The following RASSF8 variants were observed in gnomAD, a reference collection of about 807,000 sequenced individuals.
RASSF8 encodes ras association domain-containing protein 8.
RASSF8 carries 22 observed loss-of-function variants against 48.5 expected under a neutral mutation model. The ratio of observed to expected loss-of-function variants is 0.45; its 90% confidence interval spans 0.32 to 0.65. RASSF8 has a LOEUF of 0.65. RASSF8 is among the 30% of genes least tolerant of loss of function. The probability of loss-of-function intolerance (pLI) is 0.03; values close to 1 mark genes in which losing one functional copy is unlikely to be tolerated. For synonymous variants in RASSF8, 127 were observed against 171.5 expected, an observed-to-expected ratio of 0.74 and a Z score of 2.03; for missense variants, 418 against 489.2, an observed-to-expected ratio of 0.85 and a Z score of 1.37.
chr12:26,038,600 C>T (rs1381337043), intron 2 of RASSF8, among the ~76,000 whole-genome samples: 1 of 131,286 alleles, frequency 7.6e-6, no homozygotes, highest in Non-Finnish European at 1.6e-5. Context: ...TTAAAATGTT[C>T]TTATTAAAAC....
Position 26,054,540 on chromosome 12 carries a change from T to G in RASSF8, c.-108-696T>G, listed in dbSNP as rs545990167. Among the ~76,000 whole-genome samples the G allele has an allele frequency of 2.7e-3, 414 of 152,288 alleles. 2 individuals are homozygous for G. The highest frequency in any genetic ancestry group is 2.5e-3 in the Admixed American group (39 of 15,304). On this transcript the variant is annotated intron_variant, in intron 2 of 5. Transcript: ENST00000689635. Reference sequence around the variant, plus strand: ...TTGGTCGTCAAAGGAATTCGTTTCCTTTGACTAAGATTTTTTACCCACCTG... The same window carrying G: ...TTGGTCGTCAAAGGAATTCGTTTCCGTTGACTAAGATTTTTTACCCACCTG...
intron 2 of RASSF8, among the ~76,000 whole-genome samples, chr12:26,000,135 A>G (rs1942222428): frequency 6.6e-6 from 1 of 152,230 alleles, no homozygotes; most frequent in Admixed American, 6.5e-5. Flanking sequence ...TAATGAAGGA[A>G]AAGTTGTAAT....
Position 26,071,320 on chromosome 12 carries a change from G to C in RASSF8, c.*2502G>C, listed in dbSNP as rs1346981883. The stretch of plus-strand genomic sequence containing the variant: ...CATTTCGGAGGGGTAGTGGGCAATG[G>C]TATACAAAAATACCAAATATAAAAT... On this transcript the variant is annotated 3_prime_UTR_variant, in exon 6 of 6. Coordinates refer to ENST00000689635, the MANE Select transcript of RASSF8 (RefSeq NM_001394098.1). 8.2e-6 allele frequency: 8 copies of C among 977,278 alleles called. No individual in the cohort carries two copies. In the Admixed American group the frequency reaches 1.8e-4, roughly 23 times the overall value. 60.5% of individuals were successfully genotyped at this position (977,278 alleles called of 1,614,324 possible). A position where few individuals can be genotyped will look rare whatever the true frequency, so the allele number is the denominator to read the frequency against.
At chr12:25,959,717 A>T (rs61914181) in intron 1 of RASSF8, 11,637 of 151,162 alleles carry the variant, frequency 0.077, 493 homozygotes, top group East Asian at 0.13. Context: ...TGAGAGGGTA[A>T]ATCGCACAAA....
At chr12:26,077,538 T>C (rs577805852), downstream of RASSF8, among the ~76,000 whole-genome samples, 1 of 152,154 alleles carries the variant, frequency 6.6e-6, no homozygotes. Context: ...CCCATTTCTT[T>C]TTTTTGTCAG....
chr12:25,983,607 A>G (rs1157443704), intron 1 of RASSF8, among the ~76,000 whole-genome samples: 1 of 152,234 alleles, frequency 6.6e-6, no homozygotes, highest in Non-Finnish European at 1.5e-5. Flanking sequence ...TTTCGAAGGA[A>G]ACTGATTTTA....
chr12:26,014,204 G>A (rs1312605486), intron 2 of RASSF8, among the ~76,000 whole-genome samples: 3 of 152,170 alleles, frequency 2.0e-5, no homozygotes, highest in South Asian at 2.1e-4. Flanking sequence ...AACTAATAAC[G>A]TTCATACTAG....
intron 2 of RASSF8, among the ~76,000 whole-genome samples, chr12:26,000,649 C>G (rs550095274): frequency 6.6e-6 from 1 of 152,144 alleles, no homozygotes; most frequent in African/African-American, 2.4e-5. Context: ...CTCCTACACA[C>G]CCAGGCCATA....
chr12:26,066,989 G>A (rs1224702036), intron 4 of RASSF8, among the ~76,000 whole-genome samples: 1 of 152,182 alleles, frequency 6.6e-6, no homozygotes, highest in African/African-American at 2.4e-5. Context: ...AATCTTGTGG[G>A]AATCTTGCTT....
At chr12:25,963,930 G>A (rs1941296474) in intron 1 of RASSF8, among the ~76,000 whole-genome samples, 1 of 152,184 alleles carries the variant, frequency 6.6e-6, no homozygotes, top group Non-Finnish European at 1.5e-5. Flanking sequence ...TGATTTTCTA[G>A]TCAGGAAGGC....
In RASSF8 at chr12:26,033,998, C is replaced by G. The variant is rs115196424; in HGVS notation, c.-108-21238C>G. ...CACTTGGATCTGCTGGTGCCTTCTC[C>G]CCACCACCATCATGTCGACCAGACC... On this transcript the variant is annotated intron_variant, in intron 2 of 5. Transcript: ENST00000689635. Among the ~76,000 whole-genome samples the G allele has an allele frequency of 5.1e-3, 770 of 152,116 alleles. 7 individuals carry two copies. Among genetic ancestry groups the G allele is most frequent in the African/African-American group, 0.017 (710 of 41,494 alleles).
intron 1 of RASSF8, among the ~76,000 whole-genome samples, chr12:25,985,265 C>G (rs1941845846): frequency 6.6e-6 from 1 of 152,148 alleles, no homozygotes; most frequent in Non-Finnish European, 1.5e-5. Flanking sequence ...AATGCTGTAA[C>G]TATAGACCCT....
chr12:25,988,156 TG>T (rs1474703418), intron 1 of RASSF8, among the ~76,000 whole-genome samples: 4 of 152,116 alleles, frequency 2.6e-5, no homozygotes, highest in Admixed American at 2.6e-4. Flanking sequence ...CCACCACGCC[TG>T]GTCGAAATTA....
chr12:26,046,128 C>T (rs549771768), intron 2 of RASSF8, among the ~76,000 whole-genome samples: 2 of 152,284 alleles, frequency 1.3e-5, no homozygotes, highest in African/African-American at 4.8e-5. Context: ...TTGTATATTC[C>T]TAAGTCTGAT....
intron 1 of RASSF8, among the ~76,000 whole-genome samples, chr12:25,962,573 T>G (rs1293498956): frequency 1.3e-5 from 2 of 152,054 alleles, no homozygotes; most frequent in Non-Finnish European, 1.5e-5. Context: ...ATGAGTAAGA[T>G]CGTAATATCA....
chr12:26,071,511 T>C lies in RASSF8; in HGVS notation c.*2693T>C. 1 of 967,460 alleles carries C rather than the reference T, an allele frequency of 1.0e-6. No individual in the cohort carries two copies. Among genetic ancestry groups the C allele is most frequent in the Non-Finnish European group, 1.2e-6 (1 of 813,544 alleles). The allele number at this position is 967,460 out of a possible 1,614,324, so 59.9% of individuals were successfully genotyped here. On this transcript the variant is annotated 3_prime_UTR_variant, in exon 6 of 6. Coordinates refer to ENST00000689635, the MANE Select transcript of RASSF8 (RefSeq NM_001394098.1). ...ACCAAGAAATAATTTGGAATAGCAT[T>C]GGTATATTTGACCTTTTGAGTGTCT...
chr12:25,964,179 A>G (rs56051193), intron 1 of RASSF8, among the ~76,000 whole-genome samples: 14,890 of 152,196 alleles, frequency 0.098, 781 homozygotes, highest in Middle Eastern at 0.15. Context: ...TCCACTGGTT[A>G]CTTGGGTGAC....
At chr12:26,042,123 C>G (rs1943278560) in intron 2 of RASSF8, among the ~76,000 whole-genome samples, 1 of 152,092 alleles carries the variant, frequency 6.6e-6, no homozygotes, top group Non-Finnish European at 1.5e-5. Context: ...TATTATTTAT[C>G]CAGTTAAAGG....
At chr12:26,036,785 T>C (rs910921936) in intron 2 of RASSF8, among the ~76,000 whole-genome samples, 1 of 151,930 alleles carries the variant, frequency 6.6e-6, no homozygotes, top group African/African-American at 2.4e-5. Context: ...TTAGCCAGGC[T>C]TGGTGGCACA....
Sources: gnomAD v4.1 joint callset for allele counts (sites outside exome capture counted in the v4.1 genomes callset) on GRCh38, gnomAD v4.1.1 for gene constraint, MANE v1.5 for transcripts, NCBI Gene and HGNC (gene_info 2026-07-23, HGNC 2026-07-21) for gene names.